MED12L: variants seen among roughly 807,000 people sequenced by gnomAD.
The protein encoded by MED12L is mediator of RNA polymerase II transcription subunit 12-like protein.
Under a neutral mutation model 281.3 loss-of-function variants are expected in MED12L, and 60 were observed. That is an observed-to-expected ratio of 0.21 (90% CI 0.17 to 0.26). The LOEUF is 0.26. MED12L is among the 10% of genes least tolerant of loss of function. The probability of loss-of-function intolerance (pLI) is 1.00; values close to 1 mark genes in which losing one functional copy is unlikely to be tolerated. For missense variants in MED12L, 2,146 were observed against 2,680.9 expected (o/e 0.80, Z 4.41); for synonymous variants, 974 against 987.2 (o/e 0.99, Z 0.25).
intron 16 of MED12L, among the ~76,000 whole-genome samples, chr3:151,206,093 G>C (rs946250740): frequency 2.9e-5 from 1 of 34,986 alleles, no homozygotes. Context: ...TTTTTTTTTT[G>C]CACATAATAT....
chr3:151,270,075 AGAAGAT>A (rs1443203773), intron 16 of MED12L: 2 of 229,570 alleles, frequency 8.7e-6, no homozygotes, highest in Non-Finnish European at 1.7e-5. Context: ...ATGAAGATGA[AGAAGAT>A]GAAGATGATG....
Position 151,252,994 on chromosome 3 carries a change from C to A in MED12L, c.2250+59328C>A, listed in dbSNP as rs140083593. 9.3e-3 allele frequency among the ~76,000 whole-genome samples: 1,417 copies of A among 151,884 alleles called. 21 individuals carry two copies. Among genetic ancestry groups the A allele is most frequent in the African/African-American group, 0.032 (1,318 of 41,370 alleles). On this transcript the variant is annotated intron_variant, in intron 16 of 44. Transcript: ENST00000687756. The stretch of plus-strand genomic sequence containing the variant: ...GAATATTTATTTTAAGGGAACTTGC[C>A]CTTAAAATAAATATTACATGTCGTG...
At chr3:151,293,863 A>G (rs780926742) in intron 16 of MED12L, among the ~76,000 whole-genome samples, 29 of 152,244 alleles carry the variant, frequency 1.9e-4, no homozygotes, top group Admixed American at 9.8e-4. Flanking sequence ...GTTCTCTGCA[A>G]AAGTGGCTTC....
chr3:151,399,372 G>A (rs1390295029), intron 39 of MED12L, among the ~76,000 whole-genome samples: 4 of 152,076 alleles, frequency 2.6e-5, no homozygotes, highest in Non-Finnish European at 5.9e-5. Flanking sequence ...AATATGTTAA[G>A]CTTTAAAATA....
At position 151,160,119 on chromosome 3, in the gene MED12L, G is replaced by C. The variant is rs765227451; in HGVS notation, c.1107+18G>C. On this transcript the variant is annotated intron_variant, in intron 8 of 44. Coordinates refer to ENST00000687756, the MANE Select transcript of MED12L (RefSeq NM_001393769.1). Reference sequence around the variant, plus strand: ...TGTTGCAGGTAAGTCCTTGGCCCTTGTTATTTTATGTTAAAATTCAATGTG... The same window carrying C: ...TGTTGCAGGTAAGTCCTTGGCCCTTCTTATTTTATGTTAAAATTCAATGTG... 2.0e-6 allele frequency: 3 copies of C among 1,484,692 alleles called. No individual in the cohort carries two copies. The highest frequency in any genetic ancestry group is 2.7e-6 in the Non-Finnish European group (3 of 1,112,660). The allele number at this position is 1,484,692 out of a possible 1,614,324, so 92.0% of individuals were successfully genotyped here.
At chr3:151,242,062 C>T (rs538090184) in intron 16 of MED12L, among the ~76,000 whole-genome samples, 15 of 152,308 alleles carry the variant, frequency 9.8e-5, no homozygotes, top group East Asian at 3.9e-4. Context: ...TGCGCTTTTC[C>T]GACGGGCTTA....
intron 4 of MED12L, among the ~76,000 whole-genome samples, chr3:151,124,795 A>G (rs1003483308): frequency 1.3e-5 from 2 of 152,182 alleles, no homozygotes; most frequent in African/African-American, 4.8e-5. Flanking sequence ...CTCAATCACA[A>G]TTGTAGATAG....
chr3:151,220,006 GT>G (rs1729024841), intron 16 of MED12L, among the ~76,000 whole-genome samples: 1 of 146,302 alleles, frequency 6.8e-6, no homozygotes, highest in Non-Finnish European at 1.5e-5. Context: ...TTTTTTAATT[GT>G]TTTGTTTTTT....
chr3:151,206,550 T>C (rs1482437108), intron 16 of MED12L, among the ~76,000 whole-genome samples: 1 of 151,972 alleles, frequency 6.6e-6, no homozygotes, highest in East Asian at 1.9e-4. Flanking sequence ...AAAGATTATC[T>C]CGTTTCTTTT....
At chr3:151,363,886 T>G (rs1396032771) in intron 21 of MED12L, among the ~76,000 whole-genome samples, 1 of 152,156 alleles carries the variant, frequency 6.6e-6, no homozygotes, top group East Asian at 1.9e-4. Flanking sequence ...GAACAATCTC[T>G]GTTTTCTTAA....
chr3:151,401,872 T>C (rs554742193), intron 39 of MED12L, among the ~76,000 whole-genome samples: 4 of 152,304 alleles, frequency 2.6e-5, no homozygotes, highest in African/African-American at 9.6e-5. Context: ...TTATATCTGG[T>C]ATTTCTCTGT....
chr3:151,276,937 C>G (rs1316653336), intron 16 of MED12L, among the ~76,000 whole-genome samples: 1 of 152,168 alleles, frequency 6.6e-6, no homozygotes, highest in African/African-American at 2.4e-5. Flanking sequence ...CACTCTCTCG[C>G]CCAGACTGGA....
chr3:151,229,400 G>A (rs942209384), intron 16 of MED12L, among the ~76,000 whole-genome samples: 5 of 148,584 alleles, frequency 3.4e-5, no homozygotes, highest in East Asian at 2.0e-4. Context: ...CTCGCCTCCC[G>A]GGTTCAAGCG....
At chr3:151,322,290 ATT>A (rs1749083473) in intron 16 of MED12L, among the ~76,000 whole-genome samples, 2 of 152,114 alleles carry the variant, frequency 1.3e-5, no homozygotes, top group African/African-American at 4.8e-5. Flanking sequence ...GACTCAAGTG[ATT>A]CTCACACTTT....
At chr3:151,213,354 G>A (rs1412363297) in intron 16 of MED12L, 1 of 1,613,592 alleles carries the variant, frequency 6.2e-7, no homozygotes, top group African/African-American at 1.3e-5. Context: ...TTCTGGAAAT[G>A]TCTAGGTCAT....
intron 16 of MED12L, among the ~76,000 whole-genome samples, chr3:151,224,287 A>G (rs9854017): frequency 0.1 from 15,921 of 152,152 alleles, 1,120 homozygotes; most frequent in Middle Eastern, 0.17. Context: ...GCTTTAATAC[A>G]CAGTGCTCTG....
chr3:151,148,222 G>GTT (rs368023187), intron 5 of MED12L, among the ~76,000 whole-genome samples: 14 of 152,112 alleles, frequency 9.2e-5, no homozygotes, highest in African/African-American at 3.4e-4. Flanking sequence ...TTATTATTGA[G>GTT]TTTAATAGTT....
chr3:151,257,921 C>A (rs1348297818), intron 16 of MED12L, among the ~76,000 whole-genome samples: 1 of 152,172 alleles, frequency 6.6e-6, no homozygotes, highest in Non-Finnish European at 1.5e-5. Context: ...TTGCTGCTTC[C>A]TTCCCCACCT....
At position 151,214,566 on chromosome 3, in the gene MED12L, C is replaced by G. The variant is rs138902645; in HGVS notation, c.2250+20900C>G. On this transcript the variant is annotated intron_variant, in intron 16 of 44. Transcript: ENST00000687756. Reference sequence around the variant, plus strand: ...CCCTCCCTCTTTCCCCCTTTACCCACCAACCCCCACTCCTTTCTTCCTTCT... The same window carrying G: ...CCCTCCCTCTTTCCCCCTTTACCCAGCAACCCCCACTCCTTTCTTCCTTCT... 7.6e-3 allele frequency among the ~76,000 whole-genome samples: 1,123 copies of G among 148,626 alleles called. 19 individuals carry two copies. Among genetic ancestry groups the G allele is most frequent in the African/African-American group, 0.026 (1,051 of 40,058 alleles).
Sources: allele counts gnomAD v4.1 joint callset (sites outside exome capture counted in the v4.1 genomes callset), GRCh38; gene constraint gnomAD v4.1.1; transcripts MANE v1.5; gene names NCBI Gene and HGNC (gene_info 2026-07-23, HGNC 2026-07-21).